Variants in MTM1 observed in about 807,000 individuals in gnomAD.
MTM1 encodes the protein myotubularin.
Under a neutral mutation model 52.1 loss-of-function variants are expected in MTM1, and 9 were observed. The ratio of observed to expected loss-of-function variants is 0.17; its 90% CI spans 0.10 to 0.30. The LOEUF (loss-of-function observed/expected upper bound fraction) is 0.30. Ranked by LOEUF, MTM1 falls within the 10% of genes least tolerant of loss-of-function variation. The pLI, the probability that MTM1 is intolerant of heterozygous loss-of-function variation, is 1.00. For synonymous variants in MTM1, 136 were observed against 163.8 expected (o/e 0.83, Z 1.29); for missense variants, 277 against 470.7 (o/e 0.59, Z 3.81).
chrX:150,622,392 G>A lies in MTM1; in HGVS notation c.444+3253G>A, dbSNP rs181227377. Among the ~76,000 whole-genome samples, 7 of 111,704 alleles carry A rather than the reference G, an allele frequency of 6.3e-5. No homozygotes were observed. The East Asian group carries it at 2.0e-3, about 31-fold the overall frequency. ...GTCCCTGATATTCAAGTCCACATGT[G>A]CAACTGTTTCATCAGTCAAGTTCAT... is the stretch of plus-strand genomic sequence containing the variant. On this transcript the variant is annotated intron_variant, in intron 6 of 14. Coordinates refer to ENST00000370396, the MANE Select transcript of MTM1 (RefSeq NM_000252.3).
chrX:150,642,343 G>A (rs944278257), intron 8 of MTM1, among the ~76,000 whole-genome samples: 2 of 111,710 alleles, frequency 1.8e-5, no homozygotes, highest in African/African-American at 6.5e-5. Context: ...GATTTGTCCC[G>A]TTATTAGTGA....
rs1276451236 is a variant in MTM1 at position 150,663,425 on chromosome X, C to T, written c.1468-8C>T. 1 of 1,210,126 alleles carries T rather than the reference C, an allele frequency of 8.3e-7. No individual in the cohort carries two copies. The highest frequency in any genetic ancestry group is 1.7e-5 in the African/African-American group (1 of 57,882). Reference sequence around the variant, plus strand: ...GGCTCTCCACTTTCTCTCTCTGTCTCTCTGTAGAAGGTTACAGAAAGGACT... The same window carrying T: ...GGCTCTCCACTTTCTCTCTCTGTCTTTCTGTAGAAGGTTACAGAAAGGACT... On this transcript the variant is annotated splice_polypyrimidine_tract_variant and splice_region_variant and intron_variant, in intron 13 of 14. Transcript: ENST00000370396.
At chrX:150,613,705 AT>A (rs1176967192) in intron 4 of MTM1, among the ~76,000 whole-genome samples, 2 of 112,056 alleles carry the variant, frequency 1.8e-5, no homozygotes, top group Non-Finnish European at 3.8e-5. Context: ...ATAAAATGAG[AT>A]GATGCGTGCA....
intron 14 of MTM1, among the ~76,000 whole-genome samples, chrX:150,666,594 T>C (rs1557414940): frequency 8.9e-6 from 1 of 112,028 alleles, no homozygotes; most frequent in Non-Finnish European, 1.9e-5. Flanking sequence ...GCAAGACTTA[T>C]TTGGAACAGA....
At chrX:150,614,913 C>T (rs782390932) in intron 5 of MTM1, among the ~76,000 whole-genome samples, 2 of 111,365 alleles carry the variant, frequency 1.8e-5, no homozygotes, top group African/African-American at 6.5e-5. Context: ...TACAAGGACT[C>T]GAGGAACTGG....
chrX:150,668,893 C>CT (rs782408401), intron 14 of MTM1, among the ~76,000 whole-genome samples: 4 of 108,143 alleles, frequency 3.7e-5, no homozygotes, highest in African/African-American at 6.8e-5. Flanking sequence ...TGGCTTTTTT[C>CT]TTTTTTTTTC....
intron 6 of MTM1, among the ~76,000 whole-genome samples, chrX:150,630,190 T>A (rs1357732148): frequency 8.9e-6 from 1 of 111,802 alleles, no homozygotes; most frequent in African/African-American, 3.3e-5. Flanking sequence ...CCTCCCGGGT[T>A]CAAGCGATTT....
At chrX:150,647,645 T>A (rs1353005269) in intron 9 of MTM1, among the ~76,000 whole-genome samples, 5 of 112,334 alleles carry the variant, frequency 4.5e-5, no homozygotes, top group Non-Finnish European at 9.4e-5. Flanking sequence ...ACCAGAGATG[T>A]AGAATTTGAA....
chrX:150,591,228 A>C (rs2038879622), intron 1 of MTM1, among the ~76,000 whole-genome samples: 1 of 112,329 alleles, frequency 8.9e-6, no homozygotes, highest in African/African-American at 3.2e-5. Flanking sequence ...GTTAATTTTC[A>C]AGCATCAGTG....
At chrX:150,581,838 G>T (rs1400342323) in intron 1 of MTM1, among the ~76,000 whole-genome samples, 2 of 111,615 alleles carry the variant, frequency 1.8e-5, no homozygotes, top group African/African-American at 6.5e-5. Flanking sequence ...GTCATATGAT[G>T]ATAGTAATAC....
intron 5 of MTM1, among the ~76,000 whole-genome samples, chrX:150,616,370 T>C (rs1482952913): frequency 1.8e-5 from 2 of 112,041 alleles, no homozygotes; most frequent in Non-Finnish European, 3.8e-5. Flanking sequence ...AACCTGACAT[T>C]GATATAAAGG....
intron 11 of MTM1, among the ~76,000 whole-genome samples, chrX:150,658,446 T>A (rs1198331830): frequency 1.8e-5 from 2 of 111,846 alleles, no homozygotes; most frequent in Non-Finnish European, 3.8e-5. Flanking sequence ...TGACTGTAGT[T>A]AATATATTTT....
intron 1 of MTM1, among the ~76,000 whole-genome samples, chrX:150,569,251 A>G (rs781826568): frequency 2.6e-5 from 3 of 113,572 alleles, no homozygotes; most frequent in Non-Finnish European, 5.6e-5. Context: ...GGGAACGGTT[A>G]GTTCCCTGAT....
At chrX:150,580,648 G>A (rs73250555) in intron 1 of MTM1, among the ~76,000 whole-genome samples, 6,601 of 110,632 alleles carry the variant, frequency 0.06, 194 homozygotes, top group Non-Finnish European at 0.091. Flanking sequence ...ACAAGGATAC[G>A]TGGTTGTTTG....
chrX:150,638,258 G>A (rs1393890898), intron 6 of MTM1, among the ~76,000 whole-genome samples: 21 of 111,702 alleles, frequency 1.9e-4, no homozygotes, highest in Non-Finnish European at 5.6e-5. Flanking sequence ...GTCTGGTGGG[G>A]TGGTAGAGTG....
chrX:150,611,206 ATAT>A (rs782438364), intron 4 of MTM1, among the ~76,000 whole-genome samples: 24 of 112,363 alleles, frequency 2.1e-4, no homozygotes, highest in Non-Finnish European at 4.5e-4. Context: ...CTGATCCACT[ATAT>A]TTGAAGAGCA....
chrX:150,652,136 A>G (rs782026926), intron 10 of MTM1, among the ~76,000 whole-genome samples: 20 of 111,212 alleles, frequency 1.8e-4, no homozygotes, highest in Admixed American at 3.8e-4. Context: ...TTTGTAGACA[A>G]AGAGAAAAGA....
At chrX:150,599,077 ATCCAGACCTGTGG>A (rs1557412685) in intron 4 of MTM1, among the ~76,000 whole-genome samples, 1 of 112,624 alleles carries the variant, frequency 8.9e-6, no homozygotes, top group Non-Finnish European at 1.9e-5. Context: ...GCATCAGAAT[ATCCAGACCTGTGG>A]TCCTGGCACA....
chrX:150,602,967 T>C (rs781812375), intron 4 of MTM1, among the ~76,000 whole-genome samples: 1 of 111,899 alleles, frequency 8.9e-6, no homozygotes, highest in Admixed American at 9.5e-5. Context: ...TGACAAAGCC[T>C]ACAGTGGTAT....
Sources: gnomAD v4.1 joint callset for allele counts (sites outside exome capture counted in the v4.1 genomes callset) on GRCh38, gnomAD v4.1.1 for gene constraint, MANE v1.5 for transcripts, NCBI Gene and HGNC (gene_info 2026-07-23, HGNC 2026-07-21) for gene names.